Variants in ARVCF observed in about 807,000 individuals in gnomAD.
The protein encoded by ARVCF is ARVCF delta catenin family member.
ARVCF carries 66 observed loss-of-function variants against 90.9 expected under a neutral mutation model. The ratio of observed to expected loss-of-function variants is 0.73; its 90% CI spans 0.60 to 0.89. ARVCF has a LOEUF of 0.89. Ranked by LOEUF, ARVCF falls within the 40% of genes least tolerant of loss-of-function variation. The probability of loss-of-function intolerance (pLI) is 0.00; values close to 1 mark genes in which losing one functional copy is unlikely to be tolerated. For missense variants in ARVCF, 1,469 were observed against 1,382.3 expected (o/e 1.06, Z -1.00); for synonymous variants, 653 against 603.4 (o/e 1.08, Z -1.21).
In ARVCF at chr22:19,982,021, A is replaced by G. The variant is rs754696774; in HGVS notation, c.281T>C (p.Val94Ala). 6.2e-7 allele frequency: 1 copy of G among 1,612,928 alleles called. No individual in the cohort carries two copies. Among genetic ancestry groups the G allele is most frequent in the Admixed American group, 1.7e-5 (1 of 60,016 alleles). ...TGTGCCGGGGTCCTCCTCCACCGTC[A>G]CGGTCTCCTCCAGCACATCAGGTGC... is the stretch of plus-strand genomic sequence containing the variant. ...PEAPDVLEETVTVEEDPGTPT... is the reference protein window; with the variant it reads ...PEAPDVLEETATVEEDPGTPT... Residue 94 changes from valine to alanine, a missense_variant, in exon 4 of 20, where the codon GTG (valine) becomes GCG (alanine). Transcript: ENST00000263207.
chr22:19,977,934 G>A, intron 8 of ARVCF, 24 bp downstream of exon 8: 3 of 1,580,700 alleles, frequency 1.9e-6, no homozygotes, highest in East Asian at 2.3e-5. Flanking sequence ...CCCTTGGTAT[G>A]AGGCTGTGAC....
intron 2 of ARVCF, among the ~76,000 whole-genome samples, chr22:19,993,232 G>A (rs1329634993): frequency 6.6e-6 from 1 of 152,180 alleles, no homozygotes; most frequent in South Asian, 2.1e-4. Context: ...TCCAGGCAGA[G>A]CACAGAAGGC....
rs1282188998 is a variant in ARVCF, at chr22:19,981,680, G to C, written c.427C>G (p.Pro143Ala). Residue 143 changes from proline (P) to alanine (A), a missense_variant, in exon 5 of 20, where the codon CCA (proline) becomes GCA (alanine). Physicochemically the swap from Pro to Ala is conservative, Grantham distance 27. Coordinates refer to ENST00000263207, the MANE Select transcript of ARVCF (RefSeq NM_001670.3). ...TRTVRQVPVGPDGLPLLDGGP... is the reference protein window; with the variant it reads ...TRTVRQVPVGADGLPLLDGGP... The stretch of plus-strand genomic sequence containing the variant: ...CCATCCAGCAGGGGGAGTCCATCTG[G>C]GCCCACGGGCACCTGGCGTACTGTC... 3.7e-6 allele frequency: 6 copies of C among 1,603,116 alleles called. No individual in the cohort carries two copies. The highest frequency in any genetic ancestry group is 5.1e-6 in the Non-Finnish European group (6 of 1,175,322).
At position 19,981,985 on chromosome 22, in the gene ARVCF, T is replaced by C. The variant is rs377702492; in HGVS notation, c.317A>G (p.His106Arg). ...ATCTTCGGATGTGACAATAGACACA[T>C]GGGAAGTGGGTGTGCCGGGGTCCTC... is the stretch of plus-strand genomic sequence containing the variant. ...VEEDPGTPTS[H>R]VSIVTSEDGT... The change falls in exon 4 of 20, where the codon CAT (histidine) becomes CGT (arginine). Residue 106 changes from histidine (H) to arginine (R), a missense_variant. By Grantham distance (29) the His-to-Arg change is conservative. Transcript: ENST00000263207. 6.2e-7 allele frequency: 1 copy of C among 1,612,984 alleles called. No homozygotes were observed. The highest frequency in any genetic ancestry group is 1.3e-5 in the African/African-American group (1 of 74,880).
chr22:19,977,465 T>G lies in ARVCF; in HGVS notation c.1820A>C (p.Gln607Pro), dbSNP rs748845916. 6.4e-7 allele frequency: 1 copy of G among 1,571,312 alleles called. No individual in the cohort carries two copies. The highest frequency in any genetic ancestry group is 1.2e-5 in the South Asian group (1 of 86,264). The stretch of plus-strand genomic sequence containing the variant: ...GCTGGCATCATCCCGCCTCCGGCGC[T>G]GGGAGCCTACAGCACTGCCCAGGGG... ...PGPLGSAVGSQRRRRDDASCF... is the reference protein window; with the variant it reads ...PGPLGSAVGSPRRRRDDASCF... Residue 607 changes from glutamine to proline, a missense_variant, in exon 9 of 20, where the codon CAG becomes CCG. Transcript: ENST00000263207.
intron 5 of ARVCF, 58 bp downstream of exon 5, chr22:19,981,153 G>T (rs1415243534): frequency 1.4e-6 from 2 of 1,459,948 alleles, no homozygotes; most frequent in Non-Finnish European, 1.8e-6. Flanking sequence ...TCTGTAGTTG[G>T]GGGGTGGAGG....
intron 1 of ARVCF, among the ~76,000 whole-genome samples, chr22:20,012,078 G>GAC (rs1944853236): frequency 3.3e-5 from 2 of 60,414 alleles, no homozygotes; most frequent in East Asian, 5.5e-4. Context: ...GCCTCCCAAA[G>GAC]TCCCCCCCCC....
chr22:19,981,555 G>A lies in ARVCF; in HGVS notation c.552C>T (p.Ser184=). Residue 184 remains serine, a synonymous_variant, in exon 5 of 20, where the codon AGC becomes AGT. Transcript: ENST00000263207. ...GGCCTTCGGGAAAGCCACCCCCACTGCTGAGGTAGGCTCGAGAGAGTGTGG... is the reference window on the plus strand; with the variant it reads ...GGCCTTCGGGAAAGCCACCCCCACTACTGAGGTAGGCTCGAGAGAGTGTGG... The part of the protein sequence containing the change: ...PVATLSRAYL[S]SGGGFPEGPE... 3 of 1,597,096 alleles carry A rather than the reference G, an allele frequency of 1.9e-6. No individual in the cohort carries two copies. The Admixed American group carries it at 5.1e-5, about 27-fold the overall frequency.
intron 2 of ARVCF, among the ~76,000 whole-genome samples, chr22:20,005,388 G>C (rs951974712): frequency 7.6e-5 from 11 of 143,934 alleles, no homozygotes; most frequent in Middle Eastern, 3.4e-3. Flanking sequence ...AAAAAAAAAA[G>C]TTTTGGCAGA....
intron 3 of ARVCF, chr22:19,987,118 G>A (rs1193858511): frequency 1.1e-5 from 6 of 527,542 alleles, no homozygotes; most frequent in South Asian, 4.8e-5. Context: ...GGGGGCGCTG[G>A]CCAGCAGCGG....
chr22:19,983,025 C>A (rs979261743), intron 3 of ARVCF, among the ~76,000 whole-genome samples: 6 of 152,234 alleles, frequency 3.9e-5, no homozygotes, highest in African/African-American at 1.2e-4. Context: ...CAGAGCCAGG[C>A]CCAACCCCTG....
rs777037076 is a variant in ARVCF at position 19,972,905 on chromosome 22, G to A, written c.2550+20C>T. On this transcript the variant is annotated intron_variant, in intron 15 of 19. Transcript: ENST00000263207. ...AGGCAAAGTGAGCAGGGAATGGAAGGAAGGCCAGGGAAGCCGCACCTGGAA... is the reference window on the plus strand; with the variant it reads ...AGGCAAAGTGAGCAGGGAATGGAAGAAAGGCCAGGGAAGCCGCACCTGGAA... The A allele has an allele frequency of 4.3e-6, 7 of 1,613,754 alleles. No individual in the cohort carries two copies. Among genetic ancestry groups the A allele is most frequent in the Non-Finnish European group, 5.9e-6 (7 of 1,180,024 alleles).
rs1222452844 is a variant in ARVCF, at chr22:19,969,984, C to T, written c.*772G>A. On this transcript the variant is annotated 3_prime_UTR_variant, in exon 20 of 20. Transcript: ENST00000263207. ...TTTTGGCTTATTTTTAATGCTTTTT[C>T]TCAGTGTTTTTCTTCTGTTTCTGAG... 3.0e-6 allele frequency: 3 copies of T among 985,522 alleles called. No homozygotes were observed. Among genetic ancestry groups the T allele is most frequent in the Admixed American group, 6.1e-5 (1 of 16,270 alleles). 61.0% of individuals were successfully genotyped at this position (985,522 alleles called of 1,614,324 possible).
Position 20,002,646 on chromosome 22 carries a change from G to T in ARVCF, c.-19+7809C>A, listed in dbSNP as rs528758889. Among the ~76,000 whole-genome samples, 8 of 152,302 alleles carry T rather than the reference G, an allele frequency of 5.3e-5. No homozygotes were observed. The East Asian group carries it at 1.5e-3, about 29-fold the overall frequency. Reference sequence around the variant, plus strand: ...AGTTTTAAGAACCAAAAGAAGAGAAGAATTCAGGAGTAAATGAGGCCTGGA... The same window carrying T: ...AGTTTTAAGAACCAAAAGAAGAGAATAATTCAGGAGTAAATGAGGCCTGGA... On this transcript the variant is annotated intron_variant, in intron 2 of 19. Transcript: ENST00000263207.
intron 18 of ARVCF, 141 bp downstream of exon 18, chr22:19,971,745 G>A: frequency 2.4e-6 from 2 of 840,070 alleles, no homozygotes; most frequent in Non-Finnish European, 3.8e-6. Context: ...TGGCGTGAAG[G>A]GGCTGCTTCC....
chr22:19,982,639 G>A (rs1489563954), intron 3 of ARVCF, among the ~76,000 whole-genome samples: 3 of 152,120 alleles, frequency 2.0e-5, no homozygotes, highest in Non-Finnish European at 4.4e-5. Context: ...CCACACTAAG[G>A]TTCCCGCCAC....
At chr22:20,001,209 G>A (rs565950240) in intron 2 of ARVCF, among the ~76,000 whole-genome samples, 11 of 152,256 alleles carry the variant, frequency 7.2e-5, no homozygotes, top group Admixed American at 4.6e-4. Context: ...CCCTGAGGCC[G>A]GGTCAAGCCT....
At chr22:19,984,654 A>T (rs998282722) in intron 3 of ARVCF, among the ~76,000 whole-genome samples, 36 of 152,316 alleles carry the variant, frequency 2.4e-4, no homozygotes, top group African/African-American at 8.4e-4. Flanking sequence ...GCACAGGCCG[A>T]GCACATCAAC....
chr22:19,979,625 C>T (rs1943365797), intron 6 of ARVCF, 118 bp downstream of exon 6: 7 of 1,419,102 alleles, frequency 4.9e-6, no homozygotes, highest in Non-Finnish European at 6.5e-6. Flanking sequence ...AGCAGCTGCA[C>T]TCCTGCCTAC....
Sources: allele counts gnomAD v4.1 joint callset (sites outside exome capture counted in the v4.1 genomes callset), GRCh38; gene constraint gnomAD v4.1.1; transcripts MANE v1.5; gene names NCBI Gene and HGNC (gene_info 2026-07-23, HGNC 2026-07-21).